SLC38A1: variants seen among roughly 807,000 people sequenced by gnomAD.
SLC38A1 encodes sodium-coupled neutral amino acid symporter 1.
A neutral mutation model predicts 60.3 loss-of-function variants in SLC38A1; 18 were observed. The observed-to-expected ratio is 0.30, with a 90% CI of 0.21 to 0.44. SLC38A1 has a LOEUF of 0.44. SLC38A1 is among the 20% of genes least tolerant of loss of function. The pLI, the probability that SLC38A1 is intolerant of heterozygous loss-of-function variation, is 1.00. For synonymous variants in SLC38A1, 196 were observed against 212.1 expected, an observed-to-expected ratio of 0.92 and a Z score of 0.66; for missense variants, 448 against 587.2, an observed-to-expected ratio of 0.76 and a Z score of 2.45.
Position 46,185,053 on chromosome 12 carries a change from C to T in SLC38A1, c.*3917G>A, listed in dbSNP as rs1044697151. ...TAAAGCCTGGCTCCTGTATGTTGCA[C>T]CATGAGTCCTAGGAATCATCTGGTG... On this transcript the variant is annotated 3_prime_UTR_variant, in exon 17 of 17. Coordinates refer to ENST00000398637, the MANE Select transcript of SLC38A1 (RefSeq NM_030674.4). 5 of 152,140 alleles carry T rather than the reference C, an allele frequency of 3.3e-5. No individual in the cohort carries two copies. Among genetic ancestry groups the T allele is most frequent in the African/African-American group, 1.2e-4 (5 of 41,406 alleles). The allele number at this position is 152,140 out of a possible 1,614,324, so 9.4% of individuals were successfully genotyped here.
At chr12:46,213,249 C>T (rs777796714) in intron 5 of SLC38A1, among the ~76,000 whole-genome samples, 7 of 152,174 alleles carry the variant, frequency 4.6e-5, no homozygotes, top group Non-Finnish European at 7.4e-5. Context: ...TTTACGGCAA[C>T]CACACACTTT....
intron 16 of SLC38A1, among the ~76,000 whole-genome samples, chr12:46,197,215 C>A (rs914945031): frequency 6.6e-6 from 1 of 152,102 alleles, no homozygotes. Flanking sequence ...GAGGGCCGGG[C>A]GCGATGGCTC....
At chr12:46,226,617 CTTTTTTTTT>C (rs199599486) in intron 5 of SLC38A1, among the ~76,000 whole-genome samples, 73,263 of 123,012 alleles carry the variant, frequency 0.6, 21,660 homozygotes, top group Non-Finnish European at 0.7. Flanking sequence ...CATGGATTTC[CTTTTTTTTT>C]TTTTTTTTTT....
rs1939640578 is a variant in SLC38A1, at chr12:46,201,147, C to T, written c.954G>A (p.Met318Ile). The T allele has an allele frequency of 6.2e-7, 1 of 1,613,266 alleles. No individual in the cohort carries two copies. The highest frequency in any genetic ancestry group is 8.5e-7 in the Non-Finnish European group (1 of 1,179,680). Residue 318 changes from methionine to isoleucine, a missense_variant, in exon 13 of 17, where the codon ATG becomes ATA. Around this residue, in one of 2 missense-constraint regions of SLC38A1, gnomAD observed 346 missense variants for 497.5 expected, o/e 0.70. Coordinates refer to ENST00000398637, the MANE Select transcript of SLC38A1 (RefSeq NM_030674.4). The part of the protein sequence containing the change: ...QMVSNISFFA[M>I]FVMYFLTAIF... ...TGGCAGTCAAGAAGTACATAACAAA[C>T]ATGGCGAAAAAGGAGATGTTTGAAA...
chr12:46,194,128 G>A (rs1439283341), intron 16 of SLC38A1, among the ~76,000 whole-genome samples: 1 of 152,136 alleles, frequency 6.6e-6, no homozygotes, highest in Non-Finnish European at 1.5e-5. Context: ...AGGCGAGCCT[G>A]GTGGTGACAA....
At chr12:46,243,792 G>T (rs1032136826) in intron 1 of SLC38A1, among the ~76,000 whole-genome samples, 1 of 152,180 alleles carries the variant, frequency 6.6e-6, no homozygotes, top group Non-Finnish European at 1.5e-5. Flanking sequence ...AATAGGTTAC[G>T]AATTACAATT....
intron 5 of SLC38A1, among the ~76,000 whole-genome samples, chr12:46,222,950 G>A (rs972488366): frequency 4.6e-5 from 7 of 152,100 alleles, no homozygotes; most frequent in African/African-American, 1.7e-4. Context: ...GGTTATTGGT[G>A]GAACACTAGC....
At chr12:46,241,380 C>T (rs1464931444) in intron 2 of SLC38A1, among the ~76,000 whole-genome samples, 1 of 152,204 alleles carries the variant, frequency 6.6e-6, no homozygotes, top group East Asian at 1.9e-4. Flanking sequence ...CCTCTTTCCA[C>T]AGCCAGGCCA....
At chr12:46,247,565 T>C (rs1941664468) in intron 1 of SLC38A1, among the ~76,000 whole-genome samples, 1 of 152,212 alleles carries the variant, frequency 6.6e-6, no homozygotes, top group Non-Finnish European at 1.5e-5. Context: ...TTGACTGGTG[T>C]ACGTGAAAGT....
intron 3 of SLC38A1, among the ~76,000 whole-genome samples, chr12:46,235,888 A>C (rs1019224964): frequency 1.3e-5 from 2 of 152,226 alleles, no homozygotes; most frequent in Non-Finnish European, 2.9e-5. Context: ...ATTAAAATAC[A>C]AGCATATTTG....
At chr12:46,199,579 G>A (rs1939556837) in intron 13 of SLC38A1, among the ~76,000 whole-genome samples, 1 of 149,912 alleles carries the variant, frequency 6.7e-6, no homozygotes, top group Non-Finnish European at 1.5e-5. Context: ...GGCTGGTCTC[G>A]AACTCCTGGG....
At chr12:46,219,125 G>A (rs1940545451) in intron 5 of SLC38A1, among the ~76,000 whole-genome samples, 1 of 152,142 alleles carries the variant, frequency 6.6e-6, no homozygotes, top group South Asian at 2.1e-4. Context: ...GCAAGAAGGG[G>A]GTCTTTTTGG....
chr12:46,253,329 A>G (rs1049207311), intron 1 of SLC38A1, among the ~76,000 whole-genome samples: 2 of 152,200 alleles, frequency 1.3e-5, no homozygotes, highest in African/African-American at 4.8e-5. Flanking sequence ...TAAAGGAATA[A>G]AAGAATGGCT....
At chr12:46,228,699 C>T (rs1252061620) in intron 5 of SLC38A1, among the ~76,000 whole-genome samples, 1 of 152,186 alleles carries the variant, frequency 6.6e-6, no homozygotes, top group African/African-American at 2.4e-5. Flanking sequence ...AATTTCTCAT[C>T]TTCAAAACAC....
chr12:46,202,810 G>A (rs568316989), intron 12 of SLC38A1, among the ~76,000 whole-genome samples, 200 bp downstream of exon 12: 4 of 152,234 alleles, frequency 2.6e-5, no homozygotes, highest in African/African-American at 4.8e-5. Context: ...CCAAAATACT[G>A]CAAGTTTCTG....
chr12:46,184,096 G>C lies in SLC38A1; in HGVS notation c.*4874C>G, dbSNP rs1381158610. On this transcript the variant is annotated 3_prime_UTR_variant, in exon 17 of 17. Transcript: ENST00000398637. ...GTAAATTTGAGCCTGTATACAGATG[G>C]GCCCAGTTTCATAGCCCTTCCTTAG... is the stretch of plus-strand genomic sequence containing the variant. 1.3e-5 allele frequency: 2 copies of C among 152,512 alleles called. No individual in the cohort carries two copies. The highest frequency in any genetic ancestry group is 4.8e-5 in the African/African-American group (2 of 41,386). The allele number at this position is 152,512 out of a possible 1,614,324, so 9.4% of individuals were successfully genotyped here.
intron 3 of SLC38A1, 28 bp from the exon 4 acceptor site, chr12:46,229,667 C>T: frequency 1.3e-6 from 2 of 1,572,964 alleles, no homozygotes; most frequent in Non-Finnish European, 1.7e-6. Context: ...ATATATTTAA[C>T]CTTATGATAA....
In SLC38A1 at chr12:46,268,829, C is replaced by A. The variant is rs1321491170; in HGVS notation, c.-512G>T. Reference sequence around the variant, plus strand: ...ATCAGAATCTCCCCTCACCACCAACCCCCACTCACACTCTGCTCGCCGGCC... The same window carrying A: ...ATCAGAATCTCCCCTCACCACCAACACCCACTCACACTCTGCTCGCCGGCC... On this transcript the variant is annotated 5_prime_UTR_variant, in exon 1 of 17. Transcript: ENST00000398637. This position sits in a 1 kb window ranked among gnomAD's most constrained non-coding sequence, Gnocchi z 4.4. The A allele has an allele frequency of 2.2e-5, 10 of 449,116 alleles. No homozygotes were observed. In the East Asian group the frequency reaches 7.1e-4, roughly 32 times the overall value. The allele number at this position is 449,116 out of a possible 1,614,324, so 27.8% of individuals were successfully genotyped here. A position where few individuals can be genotyped will look rare whatever the true frequency, so the allele number is the denominator to read the frequency against.
chr12:46,202,671 A>G (rs1025293103), intron 12 of SLC38A1, among the ~76,000 whole-genome samples: 4 of 152,206 alleles, frequency 2.6e-5, no homozygotes, highest in Non-Finnish European at 5.9e-5. Context: ...ATTATCACCC[A>G]CTTGCAAAAT....
Sources: gnomAD v4.1 joint callset for allele counts (sites outside exome capture counted in the v4.1 genomes callset) on GRCh38, gnomAD v4.1.1 for gene constraint, gnomAD v4.1.1 regional missense constraint, Gnocchi (gnomAD v3.1) non-coding constraint, MANE v1.5 for transcripts, NCBI Gene and HGNC (gene_info 2026-07-23, HGNC 2026-07-21) for gene names.